GPS1: variants seen among roughly 807,000 people sequenced by gnomAD.
GPS1 encodes the protein G protein pathway suppressor 1.
A neutral mutation model predicts 60.0 loss-of-function variants in GPS1; 11 were observed. The ratio of observed to expected loss-of-function variants is 0.18; its 90% CI spans 0.12 to 0.30. The LOEUF is 0.30. GPS1 is among the 10% of genes least tolerant of loss of function. The probability of loss-of-function intolerance (pLI) is 1.00; values close to 1 mark genes in which losing one functional copy is unlikely to be tolerated. For missense variants in GPS1, 543 were observed against 669.2 expected (o/e 0.81, Z 2.08); for synonymous variants, 343 against 269.8 (o/e 1.27, Z -2.66).
chr17:82,051,493 G>C (rs1475744356), upstream of GPS1: 45 of 1,371,564 alleles, frequency 3.3e-5, no homozygotes, highest in South Asian at 4.3e-4. The surrounding 1 kb of genome is among the most constrained non-coding windows in gnomAD (Gnocchi z 4.1). Context: ...GTCGGGGTCC[G>C]GCGCACCTGC....
At chr17:82,052,301 G>T in intron 1 of GPS1, 1 of 1,612,884 alleles carries the variant, frequency 6.2e-7, no homozygotes, top group Non-Finnish European at 8.5e-7. Context: ...AGAAAGTCAG[G>T]ACAGAATGAG....
At chr17:82,051,055 A>G, upstream of GPS1, 4 of 1,384,192 alleles carry the variant, frequency 2.9e-6, no homozygotes, top group Non-Finnish European at 3.7e-6. The surrounding 1 kb of genome is among the most constrained non-coding windows in gnomAD (Gnocchi z 4.1). Flanking sequence ...TCTTCAGGGG[A>G]CGTGGCACTA....
chr17:82,055,907 CA>C, intron 7 of GPS1, 82 bp downstream of exon 7: 1 of 1,443,652 alleles, frequency 6.9e-7, no homozygotes, highest in Non-Finnish European at 9.6e-7. Flanking sequence ...AGGTCTCTCA[CA>C]AATGGGGTCT....
intron 2 of GPS1, 40 bp from the exon 3 acceptor site, chr17:82,053,828 C>T (rs748074263): frequency 3.2e-6 from 5 of 1,573,986 alleles, no homozygotes; most frequent in Non-Finnish European, 4.3e-6. Flanking sequence ...CAGGGTCCTG[C>T]CTCCCATCCT....
rs372173472 is a variant in GPS1, at chr17:82,055,111, G to A, written c.688-51G>A. ...TCTCAGTCTGGGGGCTGGGCATCGAGCTCTAGGAAATGTGGAGCATGGGCC... is the reference window on the plus strand; with the variant it reads ...TCTCAGTCTGGGGGCTGGGCATCGAACTCTAGGAAATGTGGAGCATGGGCC... On this transcript the variant is annotated intron_variant, in intron 5 of 12. Coordinates refer to ENST00000578552, the MANE Select transcript of GPS1 (RefSeq NM_001321092.3). 105 of 1,565,508 alleles carry A rather than the reference G, an allele frequency of 6.7e-5. No homozygotes were observed. In the African/African-American group the frequency reaches 1.2e-3, roughly 18 times the overall value.
intron 1 of GPS1, chr17:82,052,261 A>C: frequency 1.3e-6 from 2 of 1,597,896 alleles, no homozygotes; most frequent in Admixed American, 1.7e-5. Context: ...TTCAGCAGCC[A>C]GCCAGCTCTG....
rs764822205 is a variant in GPS1, at chr17:82,056,070, C to T, written c.904C>T (p.Leu302=). Residue 302 remains leucine, a synonymous_variant, in exon 8 of 13, where the codon CTG becomes TTG. Coordinates refer to ENST00000578552, the MANE Select transcript of GPS1 (RefSeq NM_001321092.3). The part of the protein sequence containing the change: ...CALATFDRQE[L]QRNVISSSSF... ...CTTGGCTACCTTTGACCGGCAGGAG[C>T]TGCAGCGCAATGTCATCTCCAGCAG... 4 of 1,612,314 alleles carry T rather than the reference C, an allele frequency of 2.5e-6. No homozygotes were observed. In the African/African-American group the frequency reaches 4.0e-5, roughly 16 times the overall value.
At chr17:82,055,414 G>T (rs1439608371) in intron 6 of GPS1, 192 bp downstream of exon 6, 1 of 659,736 alleles carries the variant, frequency 1.5e-6, no homozygotes, top group East Asian at 2.7e-5. Context: ...GTGACGTGTG[G>T]TCAGGGTCTG....
chr17:82,057,003 A>G (rs771042567), intron 12 of GPS1, 29 bp downstream of exon 12: 2 of 1,612,106 alleles, frequency 1.2e-6, no homozygotes, highest in Non-Finnish European at 1.7e-6. Context: ...GGGCAGGCGC[A>G]CGGCGTGTGG....
Position 82,051,981 on chromosome 17 carries a change from G to GCCCCGGGCCTCCGCGC in GPS1, c.33+23_33+38dup. On this transcript the variant is annotated intron_variant, in intron 1 of 12. Transcript: ENST00000578552. The surrounding 1 kb of genome is among the most constrained non-coding windows in gnomAD (Gnocchi z 4.1). ...AACTTGCAGGTAACGAGCCGAGGCC[G>GCCCCGGGCCTCCGCGC]CCCCGGGCCTCCGCGCCCCCGCGCC... is the stretch of plus-strand genomic sequence containing the variant. The GCCCCGGGCCTCCGCGC allele has an allele frequency of 8.6e-7, 1 of 1,156,516 alleles. No individual in the cohort carries two copies. Among genetic ancestry groups the GCCCCGGGCCTCCGCGC allele is most frequent in the Non-Finnish European group, 1.1e-6 (1 of 938,718 alleles). The allele number at this position is 1,156,516 out of a possible 1,614,324, so 71.6% of individuals were successfully genotyped here. A position where few individuals can be genotyped will look rare whatever the true frequency, so the allele number is the denominator to read the frequency against.
intron 7 of GPS1, 54 bp from the exon 8 acceptor site, chr17:82,055,947 G>C (rs2032592180): frequency 6.8e-7 from 1 of 1,461,164 alleles, no homozygotes; most frequent in African/African-American, 1.4e-5. Flanking sequence ...GTGATGGGCA[G>C]GCAGGGGTGG....
At position 82,054,732 on chromosome 17, in the gene GPS1, C is replaced by T. The variant is rs762571536; in HGVS notation, c.531C>T (p.Ala177=). The T allele has an allele frequency of 6.2e-7, 1 of 1,612,364 alleles. No individual in the cohort carries two copies. The highest frequency in any genetic ancestry group is 8.5e-7 in the Non-Finnish European group (1 of 1,179,888). Residue 177 remains alanine, a synonymous_variant, in exon 4 of 13, where the codon GCC becomes GCT. Coordinates refer to ENST00000578552, the MANE Select transcript of GPS1 (RefSeq NM_001321092.3). ...HYLDCGDLSN[A]LKCYSRARDY... is the part of the protein sequence containing the mutation. Reference sequence around the variant, plus strand: ...TGGACTGTGGGGACCTCAGCAACGCCCTCAAGTGCTATTCCCGGGCCCGGG... The same window carrying T: ...TGGACTGTGGGGACCTCAGCAACGCTCTCAAGTGCTATTCCCGGGCCCGGG...
At chr17:82,053,405 C>T in intron 2 of GPS1, 39 bp downstream of exon 2, 4 of 1,386,808 alleles carry the variant, frequency 2.9e-6, no homozygotes, top group South Asian at 3.3e-5. Context: ...TGTCTCAGTC[C>T]TGCTGAGGGG....
At position 82,053,189 on chromosome 17, in the gene GPS1, G is replaced by A. The variant is rs190665562; in HGVS notation, c.34-85G>A. 8.9e-4 allele frequency: 978 copies of A among 1,100,888 alleles called. 3 individuals carry two copies. Among genetic ancestry groups the A allele is most frequent in the Non-Finnish European group, 1.1e-3 (873 of 817,522 alleles). The allele number at this position is 1,100,888 out of a possible 1,614,324, so 68.2% of individuals were successfully genotyped here. A position where few individuals can be genotyped will look rare whatever the true frequency, so the allele number is the denominator to read the frequency against. ...ACTGGCCTGGAAGATCTTGGGCAGA[G>A]CTGACCTCAGAGAACAGTGCGGGTC... On this transcript the variant is annotated intron_variant, in intron 1 of 12. Coordinates refer to ENST00000578552, the MANE Select transcript of GPS1 (RefSeq NM_001321092.3).
intron 6 of GPS1, 98 bp downstream of exon 6, chr17:82,055,320 A>T (rs1189644867): frequency 8.0e-7 from 1 of 1,242,706 alleles, no homozygotes; most frequent in South Asian, 1.3e-5. Context: ...AGCCAGGGAA[A>T]ACTTCCCTGG....
chr17:82,051,951 T>C lies in GPS1; in HGVS notation c.20T>C (p.Val7Ala). 8.6e-7 allele frequency: 1 copy of C among 1,164,174 alleles called. No homozygotes were observed. 72.1% of individuals were successfully genotyped at this position (1,164,174 alleles called of 1,614,324 possible). A position where few individuals can be genotyped will look rare whatever the true frequency, so the allele number is the denominator to read the frequency against. ...TGCAAGATGCCGCTGCCGGTTCAGG[T>C]GTTTAACTTGCAGGTAACGAGCCGA... is the stretch of plus-strand genomic sequence containing the variant. MPLPVQ[V>A]FNLQGAVEPM... Residue 7 changes from valine to alanine, a missense_variant, in exon 1 of 13, where the codon GTG becomes GCG. Transcript: ENST00000578552. This position sits in a 1 kb window ranked among gnomAD's most constrained non-coding sequence, Gnocchi z 4.1.
rs1024798705 is a variant in GPS1, at chr17:82,057,076, G to C, written c.1413G>C (p.Gln471His). ...AGTCCCCGCCCAGAGAAGGGAGCCAGGGGGAGCTGACTCCAGCCAACAGCC... is the reference window on the plus strand; with the variant it reads ...AGTCCCCGCCCAGAGAAGGGAGCCACGGGGAGCTGACTCCAGCCAACAGCC... Reference protein sequence around the residue: ...HVKSPPREGSQGELTPANSQS... With the variant: ...HVKSPPREGSHGELTPANSQS... Residue 471 changes from glutamine (Q) to histidine (H), a missense_variant, in exon 13 of 13, where the codon CAG becomes CAC. This residue lies in a region of GPS1 where 291 missense variants were observed against 353.7 expected (regional missense o/e 0.82). Coordinates refer to ENST00000578552, the MANE Select transcript of GPS1 (RefSeq NM_001321092.3). The C allele has an allele frequency of 1.3e-6, 2 of 1,585,430 alleles. No homozygotes were observed. Among genetic ancestry groups the C allele is most frequent in the Non-Finnish European group, 1.7e-6 (2 of 1,163,666 alleles).
Position 82,051,945 on chromosome 17 carries a change from T to C in GPS1, c.14T>C (p.Val5Ala). 1 of 1,163,200 alleles carries C rather than the reference T, an allele frequency of 8.6e-7. No homozygotes were observed. The highest frequency in any genetic ancestry group is 3.8e-5 in the East Asian group (1 of 26,024). 72.1% of individuals were successfully genotyped at this position (1,163,200 alleles called of 1,614,324 possible). Residue 5 changes from valine (V) to alanine (A), a missense_variant, in exon 1 of 13, where the codon GTT becomes GCT. This residue lies in a region of GPS1 where 181 missense variants were observed against 188.8 expected (regional missense o/e 0.96). Coordinates refer to ENST00000578552, the MANE Select transcript of GPS1 (RefSeq NM_001321092.3). This position sits in a 1 kb window ranked among gnomAD's most constrained non-coding sequence, Gnocchi z 4.1. ...GGTGGGTGCAAGATGCCGCTGCCGG[T>C]TCAGGTGTTTAACTTGCAGGTAACG... MPLPVQVFNLQGAVE... is the reference protein window; with the variant it reads MPLPAQVFNLQGAVE...
At chr17:82,052,850 C>T (rs374343250) in intron 1 of GPS1, 1 of 257,920 alleles carries the variant, frequency 3.9e-6, no homozygotes, top group Non-Finnish European at 7.5e-6. Flanking sequence ...AGGACAGATT[C>T]CGGGGGCTGG....
Sources: gnomAD v4.1 joint callset for allele counts on GRCh38, gnomAD v4.1.1 for gene constraint, gnomAD v4.1.1 regional missense constraint, Gnocchi (gnomAD v3.1) non-coding constraint, MANE v1.5 for transcripts, NCBI Gene and HGNC (gene_info 2026-07-23, HGNC 2026-07-21) for gene names.